Variants in TAF4B observed in about 807,000 individuals in gnomAD.
The protein encoded by TAF4B is TATA-box binding protein associated factor 4b.
TAF4B carries 38 observed loss-of-function variants against 86.4 expected under a neutral mutation model. The ratio of observed to expected loss-of-function variants is 0.44; its 90% CI spans 0.34 to 0.58. The LOEUF (loss-of-function observed/expected upper bound fraction) is 0.58, where lower values mean the gene tolerates loss of function less well. Ranked by LOEUF, TAF4B falls within the 20% of genes least tolerant of loss-of-function variation. The pLI is 0.02. For synonymous variants in TAF4B, 388 were observed against 391.2 expected (o/e 0.99, Z 0.10); for missense variants, 988 against 1,027.6 (o/e 0.96, Z 0.53).
chr18:26,256,651 A>G (rs1330443847), intron 1 of TAF4B, among the ~76,000 whole-genome samples: 2 of 152,094 alleles, frequency 1.3e-5, no homozygotes, highest in African/African-American at 4.8e-5. Flanking sequence ...TTATAGCTGT[A>G]CATTTTTCTC....
chr18:26,337,837 AATT>A, intron 13 of TAF4B, among the ~76,000 whole-genome samples: 1 of 152,112 alleles, frequency 6.6e-6, no homozygotes, highest in Non-Finnish European at 1.5e-5. Flanking sequence ...TTGGGTTGTG[AATT>A]TTTGGTATTT....
rs1598785511 is a variant in TAF4B at position 26,308,803 on chromosome 18, C to T, written c.1833-6426C>T. 2.2e-5 allele frequency among the ~76,000 whole-genome samples: 3 copies of T among 137,470 alleles called. No individual in the cohort carries two copies. In the Admixed American group the frequency reaches 2.5e-4, roughly 11 times the overall value. The allele number at this position is 137,470 out of a possible 152,430, so 90.2% of individuals were successfully genotyped here. A position where few individuals can be genotyped will look rare whatever the true frequency, so the allele number is the denominator to read the frequency against. On this transcript the variant is annotated intron_variant, in intron 9 of 14. Transcript: ENST00000269142. ...AGGGGAATCGCTGGAACCTGGGAGG[C>T]GGAGGATGCAGTGAGCCGAGACTGT...
intron 13 of TAF4B, among the ~76,000 whole-genome samples, chr18:26,342,529 A>G (rs2057144675): frequency 6.6e-6 from 1 of 152,226 alleles, no homozygotes. Flanking sequence ...ATCAAGAAGT[A>G]CGTCTATTGA....
At chr18:26,276,016 A>AG (rs1322296167) in intron 5 of TAF4B, among the ~76,000 whole-genome samples, 3 of 86,986 alleles carry the variant, frequency 3.4e-5, no homozygotes, top group African/African-American at 9.7e-5. Context: ...ACTCTGTCTC[A>AG]AAAAAAAAAA....
chr18:26,389,849 T>TA lies in TAF4B; in HGVS notation c.2430dup (p.Asp811ArgfsTer78). 1.2e-6 allele frequency: 2 copies of TA among 1,609,204 alleles called. No homozygotes were observed. The highest frequency in any genetic ancestry group is 1.7e-6 in the Non-Finnish European group (2 of 1,178,748). On this transcript the variant is annotated frameshift_variant, in exon 15 of 15. Coordinates refer to ENST00000269142, the MANE Select transcript of TAF4B (RefSeq NM_005640.3). LOFTEE classifies it high-confidence loss of function. ...TTTTCCTTTTATTATTTTTAGGGCTTAAAAGACAACCTTCTTGCTTCTGGG... is the reference window on the plus strand; with the variant it reads ...TTTTCCTTTTATTATTTTTAGGGCTTAAAAAGACAACCTTCTTGCTTCTGGG...
intron 13 of TAF4B, among the ~76,000 whole-genome samples, chr18:26,344,280 T>C (rs1179468067): frequency 6.6e-6 from 1 of 150,866 alleles, no homozygotes; most frequent in Non-Finnish European, 1.5e-5. Flanking sequence ...TGAAAGTAAC[T>C]GAAGAAAGGG....
At position 26,254,135 on chromosome 18, in the gene TAF4B, C is replaced by G. The variant is rs182026657; in HGVS notation, c.344-11035C>G. ...GGGAGACGGGGTTTCACCATGTTGG[C>G]CAGACTGGTCTCGAGCTCCTGACCT... On this transcript the variant is annotated intron_variant, in intron 1 of 14. Transcript: ENST00000269142. 4.3e-3 allele frequency among the ~76,000 whole-genome samples: 651 copies of G among 151,858 alleles called. 3 individuals are homozygous for G. The highest frequency in any genetic ancestry group is 0.015 in the African/African-American group (621 of 41,384).
At chr18:26,365,062 A>T (rs1475206044) in intron 14 of TAF4B, among the ~76,000 whole-genome samples, 1 of 135,448 alleles carries the variant, frequency 7.4e-6, no homozygotes, top group Admixed American at 8.4e-5. Flanking sequence ...GCGGGAGTGC[A>T]GTGTCGTAAT....
intron 9 of TAF4B, among the ~76,000 whole-genome samples, chr18:26,295,894 A>G (rs547597103): frequency 2.6e-5 from 4 of 151,828 alleles, no homozygotes; most frequent in African/African-American, 9.7e-5. Context: ...CTCAATTCCT[A>G]TTTGGCCCTT....
intron 6 of TAF4B, 147 bp from the exon 7 acceptor site, chr18:26,285,735 A>G: frequency 1.1e-6 from 1 of 927,900 alleles, no homozygotes; most frequent in South Asian, 1.7e-5. Flanking sequence ...TTGGCAGGAT[A>G]TAAGTAAGTG....
chr18:26,276,138 C>T (rs1000425063), intron 5 of TAF4B, among the ~76,000 whole-genome samples: 3 of 151,912 alleles, frequency 2.0e-5, no homozygotes, highest in African/African-American at 7.3e-5. Flanking sequence ...TTTGGGACCA[C>T]AGAAGTTAGT....
rs191511533 is a variant in TAF4B, at chr18:26,389,045, C to G, written c.2422-800C>G. The stretch of plus-strand genomic sequence containing the variant: ...CAGGCTGGTCTCAAACTCCTGACCT[C>G]AGGTGATCCACCCACCTCGGCCTCC... On this transcript the variant is annotated intron_variant, in intron 14 of 14. Coordinates refer to ENST00000269142, the MANE Select transcript of TAF4B (RefSeq NM_005640.3). 6.1e-3 allele frequency among the ~76,000 whole-genome samples: 931 copies of G among 152,154 alleles called. 6 individuals carry two copies. Among genetic ancestry groups the G allele is most frequent in the Non-Finnish European group, 0.01 (691 of 67,988 alleles).
intron 6 of TAF4B, among the ~76,000 whole-genome samples, chr18:26,283,526 C>T (rs1446982591): frequency 6.6e-6 from 1 of 151,524 alleles, no homozygotes; most frequent in East Asian, 1.9e-4. Flanking sequence ...ATGCTTTGTT[C>T]ATTGATAGAG....
chr18:26,364,033 G>A (rs2057350980), intron 14 of TAF4B, among the ~76,000 whole-genome samples: 1 of 152,138 alleles, frequency 6.6e-6, no homozygotes, highest in Non-Finnish European at 1.5e-5. Flanking sequence ...GGAGAAATTA[G>A]TTTTAGACCT....
chr18:26,294,271 T>C (rs1040658240), intron 9 of TAF4B, among the ~76,000 whole-genome samples: 2 of 152,244 alleles, frequency 1.3e-5, no homozygotes, highest in South Asian at 4.1e-4. Context: ...TCCAACTTTG[T>C]GAGCAATTGG....
At chr18:26,382,794 T>A (rs1978297626) in intron 14 of TAF4B, among the ~76,000 whole-genome samples, 1 of 152,214 alleles carries the variant, frequency 6.6e-6, no homozygotes, top group African/African-American at 2.4e-5. Context: ...AAAATCTTTT[T>A]ATTCTAGTAA....
intron 6 of TAF4B, among the ~76,000 whole-genome samples, chr18:26,285,210 C>CTTTTTTTTTTG (rs2056496547): frequency 2.4e-5 from 1 of 42,514 alleles, no homozygotes; most frequent in African/African-American, 8.0e-5. Flanking sequence ...TCTTCCTTTC[C>CTTTTTTTTTTG]TTTTTTTTTT....
At chr18:26,352,173 A>T (rs770957472) in intron 13 of TAF4B, among the ~76,000 whole-genome samples, 2 of 152,112 alleles carry the variant, frequency 1.3e-5, no homozygotes, top group Non-Finnish European at 2.9e-5. Context: ...TCTAATCATA[A>T]TTATTACATG....
chr18:26,294,655 AT>A lies in TAF4B; in HGVS notation c.1832+1127del, dbSNP rs552041698. On this transcript the variant is annotated intron_variant, in intron 9 of 14. Coordinates refer to ENST00000269142, the MANE Select transcript of TAF4B (RefSeq NM_005640.3). ...ATTTGTATATATATGTATCATACAT[AT>A]TTATTTATGAATATTTATATTAAAA... Among the ~76,000 whole-genome samples, 149 of 62,944 alleles carry A rather than the reference AT, an allele frequency of 2.4e-3. 3 individuals are homozygous for A. The East Asian group carries it at 0.038, about 16-fold the overall frequency. 41.3% of individuals were successfully genotyped at this position (62,944 alleles called of 152,430 possible).
Sources: allele counts gnomAD v4.1 joint callset (sites outside exome capture counted in the v4.1 genomes callset), GRCh38; gene constraint gnomAD v4.1.1; transcripts MANE v1.5; gene names NCBI Gene and HGNC (gene_info 2026-07-23, HGNC 2026-07-21).